SCUBE2: variants seen among roughly 807,000 people sequenced by gnomAD.
The protein encoded by SCUBE2 is signal peptide, CUB domain and EGF like domain containing 2.
Under a neutral mutation model 125.9 loss-of-function variants are expected in SCUBE2, and 114 were observed. That is an observed-to-expected ratio of 0.91 (90% confidence interval 0.78 to 1.06). The LOEUF is 1.06. Among genes scored for constraint, SCUBE2 ranks in the 50% least tolerant of loss-of-function variants. The pLI, the probability that SCUBE2 is intolerant of heterozygous loss-of-function variation, is 0.00. For synonymous variants in SCUBE2, 459 were observed against 492.9 expected, an observed-to-expected ratio of 0.93 and a Z score of 0.91; for missense variants, 1,255 against 1,301.8, an observed-to-expected ratio of 0.96 and a Z score of 0.55.
Position 9,069,358 on chromosome 11 carries a change from G to T in SCUBE2, c.643+12C>A. 1.2e-6 allele frequency: 2 copies of T among 1,614,092 alleles called. No homozygotes were observed. Among genetic ancestry groups the T allele is most frequent in the African/African-American group, 2.7e-5 (2 of 75,042 alleles). On this transcript the variant is annotated intron_variant, in intron 5 of 22. Transcript: ENST00000649792. Reference sequence around the variant, plus strand: ...CGGTTCCCATGGCAGGTGTGCACTGGCCCATACTTACAGATGCAGTCTCTC... The same window carrying T: ...CGGTTCCCATGGCAGGTGTGCACTGTCCCATACTTACAGATGCAGTCTCTC...
Position 9,066,833 on chromosome 11 carries a change from A to T in SCUBE2, c.644-20T>A. On this transcript the variant is annotated intron_variant, in intron 5 of 22. Transcript: ENST00000649792. ...AGGTCACTGACAGCAAAATGAATCA[A>T]TACATAAAGCACTGAGATTTCCACA... 1 of 1,574,734 alleles carries T rather than the reference A, an allele frequency of 6.4e-7. No individual in the cohort carries two copies. Among genetic ancestry groups the T allele is most frequent in the Non-Finnish European group, 8.7e-7 (1 of 1,144,128 alleles).
chr11:9,022,056 G>C (rs985329817), intron 21 of SCUBE2, 101 bp from the exon 22 acceptor site: 33 of 829,654 alleles, frequency 4.0e-5, no homozygotes, highest in Middle Eastern at 4.5e-4. Context: ...CCCTTCTGTG[G>C]CTGCTATCAC....
intron 16 of SCUBE2, among the ~76,000 whole-genome samples, chr11:9,044,690 G>A (rs1302936921): frequency 6.6e-6 from 1 of 152,124 alleles, no homozygotes; most frequent in African/African-American, 2.4e-5. Flanking sequence ...GTCCTCCCTG[G>A]TTTCGAGTTC....
At chr11:9,051,237 C>CCTACTTACCTAT in intron 13 of SCUBE2, among the ~76,000 whole-genome samples, 1 of 150,292 alleles carries the variant, frequency 6.7e-6, no homozygotes, top group East Asian at 1.9e-4. Context: ...TACCTACCTA[C>CCTACTTACCTAT]CTATCTATCT....
intron 5 of SCUBE2, among the ~76,000 whole-genome samples, chr11:9,068,089 G>A (rs1186358362): frequency 1.3e-5 from 2 of 152,184 alleles, no homozygotes; most frequent in African/African-American, 4.8e-5. Context: ...ACCAGCCTTG[G>A]CTTGGACAGC....
chr11:9,086,939 G>T (rs1862134692), intron 2 of SCUBE2, among the ~76,000 whole-genome samples: 1 of 151,694 alleles, frequency 6.6e-6, no homozygotes, highest in Non-Finnish European at 1.5e-5. Flanking sequence ...ATTCTTCTAG[G>T]GTTTGAGTTC....
intron 2 of SCUBE2, among the ~76,000 whole-genome samples, chr11:9,081,144 T>C (rs983731200): frequency 6.6e-6 from 1 of 152,192 alleles, no homozygotes; most frequent in Admixed American, 6.5e-5. Context: ...GTTGACAGGA[T>C]GTTGATGGGT....
chr11:9,048,084 C>T lies in SCUBE2; in HGVS notation c.1654G>A (p.Val552Ile). 1 of 1,612,648 alleles carries T rather than the reference C, an allele frequency of 6.2e-7. No homozygotes were observed. Among genetic ancestry groups the T allele is most frequent in the Non-Finnish European group, 8.5e-7 (1 of 1,179,602 alleles). ...TTTACGTAGCGGAAGCTCTCTTTTA[C>T]TGAGCTGTGCTTCTCTGTATGAAGA... ...RPALPEKHSS[V>I]KESFRYVNLT... The change falls in exon 15 of 23, where the codon GTA (valine) becomes ATA (isoleucine). Residue 552 changes from valine to isoleucine, a missense_variant. By Grantham distance (29) the Val-to-Ile change is conservative (BLOSUM62 3). Transcript: ENST00000649792.
chr11:9,088,328 A>G (rs992264997), intron 2 of SCUBE2, among the ~76,000 whole-genome samples: 2 of 152,222 alleles, frequency 1.3e-5, no homozygotes, highest in African/African-American at 4.8e-5. Context: ...TCTGTCCTAA[A>G]AATACAAAAA....
At chr11:9,045,874 G>A (rs1857680630) in intron 16 of SCUBE2, among the ~76,000 whole-genome samples, 1 of 152,064 alleles carries the variant, frequency 6.6e-6, no homozygotes, top group Non-Finnish European at 1.5e-5. Flanking sequence ...GTGTTTGGGA[G>A]CTCCTGAGAC....
chr11:9,056,821 C>T (rs1044395620), intron 9 of SCUBE2, among the ~76,000 whole-genome samples: 7 of 152,134 alleles, frequency 4.6e-5, no homozygotes, highest in African/African-American at 1.7e-4. Context: ...CGCACTCAGT[C>T]GAAGCCAACT....
chr11:9,085,798 T>A (rs1331809053), intron 2 of SCUBE2, among the ~76,000 whole-genome samples: 1 of 151,448 alleles, frequency 6.6e-6, no homozygotes, highest in Admixed American at 6.6e-5. Flanking sequence ...TTTAGATTCA[T>A]CCCTGTTAAA....
At chr11:9,075,044 C>T (rs1027962647) in intron 3 of SCUBE2, among the ~76,000 whole-genome samples, 2 of 151,938 alleles carry the variant, frequency 1.3e-5, no homozygotes, top group South Asian at 2.1e-4. Flanking sequence ...GGTGAAACCC[C>T]GTCTCTATTA....
chr11:9,024,126 G>T, intron 21 of SCUBE2: 1 of 810,952 alleles, frequency 1.2e-6, no homozygotes, highest in Non-Finnish European at 1.6e-6. Flanking sequence ...ACTGCATTAT[G>T]CGTAATTTTC....
chr11:9,072,274 T>C (rs1326513004), intron 4 of SCUBE2, among the ~76,000 whole-genome samples: 1 of 152,196 alleles, frequency 6.6e-6, no homozygotes, highest in Non-Finnish European at 1.5e-5. Flanking sequence ...AGTGGCACGA[T>C]GTCAGCTCAC....
At chr11:9,021,773 G>A (rs571508363) in intron 22 of SCUBE2, 103 bp downstream of exon 22, 27 of 841,960 alleles carry the variant, frequency 3.2e-5, no homozygotes, top group Middle Eastern at 6.9e-4. Context: ...GACAGGCTCC[G>A]TGTCTGAAAG....
rs1855895418 is a variant in SCUBE2, at chr11:9,027,546, C to T, written c.2519G>A (p.Gly840Glu). ...ITQCKNRRCGGELGDFTGYIE... is the reference protein window; with the variant it reads ...ITQCKNRRCGEELGDFTGYIE... ...GTACCCAGTGAAATCTCCCAGCTCC[C>T]CTCCACATCTTCTGTCTGAAAAAGG... The change falls in exon 20 of 23, where the codon GGG becomes GAG. Residue 840 changes from glycine (G) to glutamate (E), a missense_variant. Gly to Glu is a moderately conservative substitution (Grantham distance 98). This residue lies in a region of SCUBE2 where 515 missense variants were observed against 515.7 expected (regional missense o/e 1.00). Transcript: ENST00000649792. 1 of 1,613,354 alleles carries T rather than the reference C, an allele frequency of 6.2e-7. No homozygotes were observed. Among genetic ancestry groups the T allele is most frequent in the East Asian group, 2.2e-5 (1 of 44,870 alleles).
chr11:9,077,558 C>T (rs549736753), intron 3 of SCUBE2, among the ~76,000 whole-genome samples: 22 of 152,292 alleles, frequency 1.4e-4, no homozygotes, highest in Admixed American at 5.2e-4. Context: ...TTGAAGGGGT[C>T]ATCCCAGAGA....
rs772841273 is a variant in SCUBE2 at position 9,065,926 on chromosome 11, TC to T, written c.814del (p.Asp272MetfsTer6). ...VTESNTTSVVDGDKRVKRRLL... is the reference protein window; with the variant it reads ...VTESNTTSVVXGDKRVKRRLL... ...CCGCCGTTTCACCCGTTTATCCCCATCCACCACTGATGTGGTGTTGCTCTCT... is the reference window on the plus strand; with the variant it reads ...CCGCCGTTTCACCCGTTTATCCCCATCACCACTGATGTGGTGTTGCTCTCT... On this transcript the variant is annotated frameshift_variant, in exon 7 of 23. Coordinates refer to ENST00000649792, the MANE Select transcript of SCUBE2 (RefSeq NM_001367977.2). LOFTEE classifies it high-confidence loss of function. 1 of 1,614,172 alleles carries T rather than the reference TC, an allele frequency of 6.2e-7. No homozygotes were observed. Among genetic ancestry groups the T allele is most frequent in the Non-Finnish European group, 8.5e-7 (1 of 1,180,024 alleles).
Sources: gnomAD v4.1 joint callset for allele counts (sites outside exome capture counted in the v4.1 genomes callset) on GRCh38, gnomAD v4.1.1 for gene constraint, gnomAD v4.1.1 regional missense constraint, MANE v1.5 for transcripts, NCBI Gene and HGNC (gene_info 2026-07-23, HGNC 2026-07-21) for gene names.